Variants in JARID2 observed in about 807,000 individuals in gnomAD.
JARID2 encodes jumonji and AT-rich interaction domain containing 2, also known as protein Jumonji.
In JARID2, 21 loss-of-function variants were observed where a neutral mutation model predicts 125.6. That is an observed-to-expected ratio of 0.17 (90% CI 0.12 to 0.24). The LOEUF (loss-of-function observed/expected upper bound fraction) is 0.24. Ranked by LOEUF, JARID2 falls within the 10% of genes least tolerant of loss-of-function variation. The pLI, the probability that JARID2 is intolerant of heterozygous loss-of-function variation, is 1.00. For missense variants in JARID2, 1,303 were observed against 1,639.6 expected (o/e 0.79, Z 3.55); for synonymous variants, 736 against 661.6 (o/e 1.11, Z -1.73).
intron 1 of JARID2, among the ~76,000 whole-genome samples, chr6:15,256,235 G>T (rs2127307019): frequency 6.6e-6 from 1 of 152,294 alleles, no homozygotes; most frequent in African/African-American, 2.4e-5. Context: ...TCTGCACTTT[G>T]ATTCTTAATA....
At chr6:15,495,915 A>G (rs1276435412) in intron 6 of JARID2, among the ~76,000 whole-genome samples, 1 of 152,204 alleles carries the variant, frequency 6.6e-6, no homozygotes, top group Non-Finnish European at 1.5e-5. Flanking sequence ...AAGGATAGGT[A>G]TATAGTGGAT....
chr6:15,513,685 T>C (rs1771393413), intron 16 of JARID2, among the ~76,000 whole-genome samples: 1 of 152,208 alleles, frequency 6.6e-6, no homozygotes. Context: ...CCTTCCTCCC[T>C]GGGGAGCAGG....
intron 3 of JARID2, among the ~76,000 whole-genome samples, chr6:15,420,965 T>A (rs945313421): frequency 2.0e-5 from 3 of 152,254 alleles, no homozygotes; most frequent in Non-Finnish European, 4.4e-5. Context: ...GGTAGCTTCC[T>A]AACACAAATG....
At position 15,411,959 on chromosome 6, in the gene JARID2, G is replaced by A. The variant is rs187302069; in HGVS notation, c.323+1594G>A. 3.9e-3 allele frequency among the ~76,000 whole-genome samples: 597 copies of A among 152,322 alleles called. 4 individuals are homozygous for A. Among genetic ancestry groups the A allele is most frequent in the Middle Eastern group, 0.024 (7 of 294 alleles). ...TGTGATTCTCTCAGAAGATAGTGTTGCTAGCTTTCTCTTTGTATGGGACCA... is the reference window on the plus strand; with the variant it reads ...TGTGATTCTCTCAGAAGATAGTGTTACTAGCTTTCTCTTTGTATGGGACCA... On this transcript the variant is annotated intron_variant, in intron 3 of 17. Transcript: ENST00000341776.
chr6:15,466,062 C>A (rs1469332040), intron 4 of JARID2, among the ~76,000 whole-genome samples: 2 of 152,156 alleles, frequency 1.3e-5, no homozygotes, highest in African/African-American at 4.8e-5. Flanking sequence ...CCTTGGCTTC[C>A]CAAAGTGCTG....
intron 1 of JARID2, among the ~76,000 whole-genome samples, chr6:15,288,544 A>G (rs1268512194): frequency 1.3e-5 from 2 of 152,212 alleles, no homozygotes; most frequent in Non-Finnish European, 2.9e-5. Flanking sequence ...GTTTGTCTGA[A>G]TCTTTGCAGT....
At position 15,521,354 on chromosome 6, in the gene JARID2, T is replaced by A. The variant is rs1489827054; in HGVS notation, c.*1103T>A. 6.7e-6 allele frequency: 1 copy of A among 148,680 alleles called. No homozygotes were observed. Among genetic ancestry groups the A allele is most frequent in the Non-Finnish European group, 1.5e-5 (1 of 67,310 alleles). The allele number at this position is 148,680 out of a possible 1,614,324, so 9.2% of individuals were successfully genotyped here. ...ACAAAAAGGAAAAAAGAAAAAAAAA[T>A]CCCATCCCTTTTGTACATATGCCTG... On this transcript the variant is annotated 3_prime_UTR_variant, in exon 18 of 18. Transcript: ENST00000341776.
chr6:15,409,453 T>G (rs1765787137), intron 2 of JARID2, among the ~76,000 whole-genome samples: 1 of 152,214 alleles, frequency 6.6e-6, no homozygotes, highest in Non-Finnish European at 1.5e-5. Context: ...GAACCTACAT[T>G]GATGTAAGGG....
At chr6:15,370,386 C>T (rs1764121924) in intron 1 of JARID2, among the ~76,000 whole-genome samples, 1 of 140,828 alleles carries the variant, frequency 7.1e-6, no homozygotes, top group African/African-American at 2.7e-5. Context: ...CTGTAGTGTG[C>T]AGTGGCACGA....
chr6:15,354,000 G>T (rs761723771), intron 1 of JARID2, among the ~76,000 whole-genome samples: 9 of 152,208 alleles, frequency 5.9e-5, no homozygotes, highest in Non-Finnish European at 1.2e-4. Flanking sequence ...TCCCTGTATA[G>T]CCTTTTCAGA....
intron 1 of JARID2, among the ~76,000 whole-genome samples, chr6:15,255,849 T>C (rs947343920): frequency 6.6e-6 from 1 of 152,214 alleles, no homozygotes; most frequent in African/African-American, 2.4e-5. Flanking sequence ...TTACTGCTAC[T>C]AAATGGACCT....
chr6:15,468,951 G>A (rs1483921256), intron 5 of JARID2, among the ~76,000 whole-genome samples: 1 of 152,298 alleles, frequency 6.6e-6, no homozygotes, highest in African/African-American at 2.4e-5. Context: ...TTCTATAAGA[G>A]CTGTAGATAA....
At chr6:15,479,652 G>GC (rs1769517414) in intron 5 of JARID2, among the ~76,000 whole-genome samples, 1 of 152,198 alleles carries the variant, frequency 6.6e-6, no homozygotes, top group Admixed American at 6.5e-5. Flanking sequence ...GTTTTACAAA[G>GC]CCTGTAAACC....
chr6:15,405,537 GTTTAA>G (rs1765614736), intron 2 of JARID2, among the ~76,000 whole-genome samples: 1 of 152,132 alleles, frequency 6.6e-6, no homozygotes, highest in African/African-American at 2.4e-5. Flanking sequence ...AATAGACATG[GTTTAA>G]TTTAAGTTCA....
At chr6:15,456,878 CTTTTTTTTT>C (rs71535043) in intron 4 of JARID2, among the ~76,000 whole-genome samples, 3 of 95,676 alleles carry the variant, frequency 3.1e-5, no homozygotes, top group African/African-American at 8.2e-5. Flanking sequence ...GGATGTTAAG[CTTTTTTTTT>C]TTTTTTTTTT....
chr6:15,349,972 G>A (rs963872072), intron 1 of JARID2, among the ~76,000 whole-genome samples: 2 of 152,110 alleles, frequency 1.3e-5, no homozygotes, highest in South Asian at 4.1e-4. Flanking sequence ...CTCGGTTCTT[G>A]TGGTCCCGTA....
intron 2 of JARID2, among the ~76,000 whole-genome samples, chr6:15,408,118 G>A (rs1210348874): frequency 6.6e-6 from 1 of 152,074 alleles, no homozygotes; most frequent in African/African-American, 2.4e-5. Context: ...ACAAGGATTA[G>A]CTGGGCATGG....
intron 3 of JARID2, among the ~76,000 whole-genome samples, chr6:15,413,023 G>GTTTTTT (rs1349875486): frequency 2.9e-5 from 2 of 68,004 alleles, no homozygotes; most frequent in Non-Finnish European, 5.2e-5. Context: ...TTTTTTTTTT[G>GTTTTTT]TTTTTTTTTT....
At chr6:15,368,089 A>G (rs1252407213) in intron 1 of JARID2, among the ~76,000 whole-genome samples, 1 of 152,070 alleles carries the variant, frequency 6.6e-6, no homozygotes, top group African/African-American at 2.4e-5. Flanking sequence ...GTAGTTAGAA[A>G]CTATATCAAA....
Sources: allele counts gnomAD v4.1 joint callset (sites outside exome capture counted in the v4.1 genomes callset), GRCh38; gene constraint gnomAD v4.1.1; transcripts MANE v1.5; gene names NCBI Gene and HGNC (gene_info 2026-07-23, HGNC 2026-07-21).